The following CADM2 variants were observed in gnomAD, a reference collection of about 807,000 sequenced individuals.
CADM2 encodes the protein cell adhesion molecule 2, also known as immunoglobulin superfamily member 4D.
A neutral mutation model predicts 49.8 loss-of-function variants in CADM2; 12 were observed. The ratio of observed to expected loss-of-function variants is 0.24; its 90% CI spans 0.15 to 0.39. The LOEUF (loss-of-function observed/expected upper bound fraction) is 0.39, where lower values mean the gene tolerates loss of function less well. CADM2 is among the 10% of genes least tolerant of loss of function. The probability of loss-of-function intolerance (pLI) is 1.00; values close to 1 mark genes in which losing one functional copy is unlikely to be tolerated. For synonymous variants in CADM2, 214 were observed against 175.4 expected (o/e 1.22, Z -1.74); for missense variants, 378 against 492.3 (o/e 0.77, Z 2.20).
At chr3:85,739,317 T>G (rs2068281693) in intron 2 of CADM2, among the ~76,000 whole-genome samples, 1 of 152,246 alleles carries the variant, frequency 6.6e-6, no homozygotes, top group East Asian at 1.9e-4. Flanking sequence ...GATTAGAGTC[T>G]GAACATTAAG....
intron 7 of CADM2, among the ~76,000 whole-genome samples, chr3:85,940,439 G>A (rs115332790): frequency 0.033 from 5,084 of 152,070 alleles, 288 homozygotes; most frequent in African/African-American, 0.12. Flanking sequence ...ATTATACAGT[G>A]CAATTACCAT....
chr3:86,049,418 G>T (rs1301211370), intron 8 of CADM2, among the ~76,000 whole-genome samples: 1 of 151,758 alleles, frequency 6.6e-6, no homozygotes, highest in African/African-American at 2.4e-5. Flanking sequence ...GGGACTACAG[G>T]CACCCGCCAC....
At chr3:85,246,439 G>A (rs1049650918) in intron 1 of CADM2, among the ~76,000 whole-genome samples, 8 of 151,880 alleles carry the variant, frequency 5.3e-5, no homozygotes, top group Non-Finnish European at 1.2e-4. Flanking sequence ...AGAACTTAAA[G>A]TATAATAAAT....
intron 6 of CADM2, among the ~76,000 whole-genome samples, chr3:85,921,253 T>C (rs1719063866): frequency 6.6e-6 from 1 of 152,016 alleles, no homozygotes; most frequent in Non-Finnish European, 1.5e-5. Context: ...TGAGTAGATA[T>C]TTAATGCCCA....
At chr3:85,338,844 A>C (rs2045162667) in intron 1 of CADM2, among the ~76,000 whole-genome samples, 1 of 151,476 alleles carries the variant, frequency 6.6e-6, no homozygotes, top group Non-Finnish European at 1.5e-5. Context: ...AGTAGTATAA[A>C]GGCATCTACT....
intron 8 of CADM2, among the ~76,000 whole-genome samples, chr3:86,056,727 C>G (rs145681562): frequency 6.6e-6 from 1 of 152,106 alleles, no homozygotes; most frequent in East Asian, 1.9e-4. Context: ...AGCTAAACAG[C>G]CTTGGAACAC....
chr3:85,807,412 T>A (rs2072507614), intron 3 of CADM2, among the ~76,000 whole-genome samples: 1 of 148,166 alleles, frequency 6.7e-6, no homozygotes, highest in Non-Finnish European at 1.5e-5. Flanking sequence ...GGCAGGAGAA[T>A]CACTTGAGCT....
chr3:85,421,870 C>A (rs574017471), intron 1 of CADM2, among the ~76,000 whole-genome samples: 1 of 152,178 alleles, frequency 6.6e-6, no homozygotes, highest in African/African-American at 2.4e-5. Flanking sequence ...AGTATCAAAA[C>A]GAACATTCGT....
intron 8 of CADM2, among the ~76,000 whole-genome samples, chr3:86,040,200 C>T (rs775577557): frequency 2.6e-5 from 4 of 152,110 alleles, no homozygotes; most frequent in Non-Finnish European, 5.9e-5. Flanking sequence ...AGGAACACAC[C>T]TCCTCACCAG....
intron 2 of CADM2, 58 bp from the exon 3 acceptor site, chr3:85,801,989 G>GGT: frequency 7.1e-7 from 1 of 1,411,528 alleles, no homozygotes; most frequent in South Asian, 1.4e-5. Flanking sequence ...GTAGATCTTA[G>GGT]GCAGTTAATC....
chr3:84,961,054 T>G (rs536261318), intron 1 of CADM2, among the ~76,000 whole-genome samples: 2 of 152,152 alleles, frequency 1.3e-5, no homozygotes, highest in Non-Finnish European at 2.9e-5. Context: ...CTGTCATTAT[T>G]TGGGTATTTG....
chr3:85,959,170 C>G (rs1724503864), intron 7 of CADM2, among the ~76,000 whole-genome samples: 1 of 150,840 alleles, frequency 6.6e-6, no homozygotes, highest in African/African-American at 2.4e-5. Context: ...CTCTCTCTCT[C>G]TCTGTCTCAC....
chr3:85,947,083 C>T (rs958973835), intron 7 of CADM2, among the ~76,000 whole-genome samples: 1 of 151,986 alleles, frequency 6.6e-6, no homozygotes, highest in Non-Finnish European at 1.5e-5. Flanking sequence ...CTACAATGAA[C>T]TCAAACAAAT....
intron 3 of CADM2, among the ~76,000 whole-genome samples, chr3:85,833,981 C>T (rs1349221877): frequency 6.6e-6 from 1 of 151,572 alleles, no homozygotes; most frequent in African/African-American, 2.4e-5. Context: ...CTAATTCTTC[C>T]AATCCATGTA....
chr3:84,987,204 G>T (rs528302652), intron 1 of CADM2, among the ~76,000 whole-genome samples: 1 of 151,908 alleles, frequency 6.6e-6, no homozygotes, highest in Non-Finnish European at 1.5e-5. Context: ...GAGTGCAGTG[G>T]CGCGATCTCG....
intron 9 of CADM2, 95 bp downstream of exon 9, chr3:86,065,825 C>A: frequency 8.1e-7 from 1 of 1,232,668 alleles, no homozygotes; most frequent in Non-Finnish European, 1.1e-6. Flanking sequence ...TGTTTCTGTA[C>A]ATGTGTAGAA....
chr3:85,612,578 T>A lies in CADM2; in HGVS notation c.62-113944T>A, dbSNP rs148354174. Among the ~76,000 whole-genome samples, 204 of 151,982 alleles carry A rather than the reference T, an allele frequency of 1.3e-3. 3 individuals are homozygous for A. In the East Asian group the frequency reaches 0.038, roughly 29 times the overall value. ...AAATATAGAACTGAAAATATATTAGTTAAGTATGTTAGGTTTACAAAACAT... is the reference window on the plus strand; with the variant it reads ...AAATATAGAACTGAAAATATATTAGATAAGTATGTTAGGTTTACAAAACAT... On this transcript the variant is annotated intron_variant, in intron 1 of 9. Transcript: ENST00000383699.
intron 1 of CADM2, among the ~76,000 whole-genome samples, chr3:85,244,758 T>C (rs2042610780): frequency 6.6e-6 from 1 of 152,144 alleles, no homozygotes; most frequent in South Asian, 2.1e-4. Context: ...TTCTGTTGAA[T>C]AAGTCCTTCA....
chr3:85,753,802 C>T (rs1032023466), intron 2 of CADM2, among the ~76,000 whole-genome samples: 5 of 152,094 alleles, frequency 3.3e-5, no homozygotes, highest in Non-Finnish European at 5.9e-5. Flanking sequence ...AACCTCAATT[C>T]TTGCTGCCAG....
Sources: gnomAD v4.1 joint callset for allele counts (sites outside exome capture counted in the v4.1 genomes callset) on GRCh38, gnomAD v4.1.1 for gene constraint, MANE v1.5 for transcripts, NCBI Gene and HGNC (gene_info 2026-07-23, HGNC 2026-07-21) for gene names.